Variants in NR4A2 observed in about 807,000 individuals in gnomAD.
NR4A2 encodes the protein nuclear receptor subfamily 4 group A member 2.
In NR4A2, 1 loss-of-function variant was observed where a neutral mutation model predicts 50.5. That is an observed-to-expected ratio of 0.02 (90% confidence interval 0.01 to 0.09). NR4A2 has a LOEUF of 0.09. NR4A2 is among the 10% of genes least tolerant of loss of function. NR4A2 has a pLI of 1.00. For missense variants in NR4A2, 613 were observed against 777.3 expected, an observed-to-expected ratio of 0.79 and a Z score of 2.51; for synonymous variants, 328 against 309.4, an observed-to-expected ratio of 1.06 and a Z score of -0.63.
rs964583596 is a variant in NR4A2 at position 156,330,686 on chromosome 2, C to A, written c.-21G>T. 1.6e-6 allele frequency: 2 copies of A among 1,266,456 alleles called. No homozygotes were observed. Among genetic ancestry groups the A allele is most frequent in the Non-Finnish European group, 9.9e-7 (1 of 1,006,466 alleles). The allele number at this position is 1,266,456 out of a possible 1,614,324, so 78.5% of individuals were successfully genotyped here. A position where few individuals can be genotyped will look rare whatever the true frequency, so the allele number is the denominator to read the frequency against. ...CACTAACCTTCAGCCGAGTTACAGGCGTTTTCGAGGAAATTAAAGGTGGAC... is the reference window on the plus strand; with the variant it reads ...CACTAACCTTCAGCCGAGTTACAGGAGTTTTCGAGGAAATTAAAGGTGGAC... On this transcript the variant is annotated 5_prime_UTR_variant, in exon 2 of 8. Coordinates refer to ENST00000339562, the MANE Select transcript of NR4A2 (RefSeq NM_006186.4).
Position 156,332,574 on chromosome 2 carries a change from GA to G in NR4A2, c.-222del. 2.6e-6 allele frequency: 3 copies of G among 1,161,594 alleles called. No homozygotes were observed. The East Asian group carries it at 1.7e-4, about 67-fold the overall frequency. The allele number at this position is 1,161,594 out of a possible 1,614,324, so 72.0% of individuals were successfully genotyped here. A position where few individuals can be genotyped will look rare whatever the true frequency, so the allele number is the denominator to read the frequency against. ...GCGCCGGGGTCGGGTAGGGGTGGGAGAGCTGGGCGAAGGGAACCCGGACACC... is the reference window on the plus strand; with the variant it reads ...GCGCCGGGGTCGGGTAGGGGTGGGAGGCTGGGCGAAGGGAACCCGGACACC... On this transcript the variant is annotated 5_prime_UTR_variant, in exon 1 of 8. Transcript: ENST00000339562.
rs1221568090 is a variant in NR4A2 at position 156,325,068 on chromosome 2, C to T, written c.*676G>A. 2 of 152,944 alleles carry T rather than the reference C, an allele frequency of 1.3e-5. No individual in the cohort carries two copies. Among genetic ancestry groups the T allele is most frequent in the African/African-American group, 2.4e-5 (1 of 41,410 alleles). 9.5% of individuals were successfully genotyped at this position (152,944 alleles called of 1,614,324 possible). ...TTCAACCTAGAATCAACATGCTTGT[C>T]CCTTTTTTATGTATTTATTTTCTTT... On this transcript the variant is annotated 3_prime_UTR_variant, in exon 8 of 8. Coordinates refer to ENST00000339562, the MANE Select transcript of NR4A2 (RefSeq NM_006186.4).
chr2:156,329,813 G>C lies in NR4A2; in HGVS notation c.374C>G (p.Ser125Cys), dbSNP rs1686839085. ...CGGGGTGGTGGGCGTCGGGGGCGAG[G>C]AGGGCTTGTAGTAAACCGACCCGGA... Reference protein sequence around the residue: ...PHSGSVYYKPSSPPTPTTPGF... With the variant: ...PHSGSVYYKPCSPPTPTTPGF... Residue 125 changes from serine to cysteine, a missense_variant, in exon 3 of 8, where the codon TCC becomes TGC. Coordinates refer to ENST00000339562, the MANE Select transcript of NR4A2 (RefSeq NM_006186.4). This position sits in a 1 kb window ranked among gnomAD's most constrained non-coding sequence, Gnocchi z 7.5. 3 of 1,613,844 alleles carry C rather than the reference G, an allele frequency of 1.9e-6. No homozygotes were observed. Among genetic ancestry groups the C allele is most frequent in the Non-Finnish European group, 2.5e-6 (3 of 1,179,736 alleles).
At position 156,327,927 on chromosome 2, in the gene NR4A2, G is replaced by A. The variant is rs1384153033; in HGVS notation, c.1082C>T (p.Pro361Leu). 1.9e-6 allele frequency: 3 copies of A among 1,595,142 alleles called. No homozygotes were observed. Among genetic ancestry groups the A allele is most frequent in the Non-Finnish European group, 8.5e-7 (1 of 1,169,846 alleles). Residue 361 changes from proline to leucine, a missense_variant, in exon 5 of 8, where the codon CCG becomes CTG. Around this residue, in one of 4 missense-constraint regions of NR4A2, gnomAD observed 250 missense variants for 311.3 expected, o/e 0.80. Transcript: ENST00000339562. ...GACGAGGGCACTGATCAGACTCACC[G>A]GGGGCGAAGGGGGAGAGGGCTCCTG... The part of the protein sequence containing the change: ...SPQEPSPPSP[P>L]VSLISALVRA...
At position 156,328,331 on chromosome 2, in the gene NR4A2, A is replaced by G. The variant is rs1234162631; in HGVS notation, c.994+73T>C. The stretch of plus-strand genomic sequence containing the variant: ...GAGATCCCCAGCACCGGGAAGTGGA[A>G]CGTGATGCTGGAGTATGAGCAGTGG... On this transcript the variant is annotated intron_variant, in intron 4 of 7. Coordinates refer to ENST00000339562, the MANE Select transcript of NR4A2 (RefSeq NM_006186.4). The surrounding 1 kb of genome is among the most constrained non-coding windows in gnomAD (Gnocchi z 4.9). 1 of 1,607,622 alleles carries G rather than the reference A, an allele frequency of 6.2e-7. No homozygotes were observed. Among genetic ancestry groups the G allele is most frequent in the African/African-American group, 1.3e-5 (1 of 74,798 alleles).
chr2:156,332,236 C>T (rs1686964295), intron 1 of NR4A2, among the ~76,000 whole-genome samples: 1 of 152,156 alleles, frequency 6.6e-6, no homozygotes, highest in Non-Finnish European at 1.5e-5. Flanking sequence ...CCTTCCACGT[C>T]CACCAATGAG....
In NR4A2 at chr2:156,328,969, G is replaced by A. The variant is rs948147927; in HGVS notation, c.864+354C>T. Among the ~76,000 whole-genome samples the A allele has an allele frequency of 1.3e-5, 2 of 152,206 alleles. No individual in the cohort carries two copies. The highest frequency in any genetic ancestry group is 6.5e-5 in the Admixed American group (1 of 15,274). On this transcript the variant is annotated intron_variant, in intron 3 of 7. Transcript: ENST00000339562. This position sits in a 1 kb window ranked among gnomAD's most constrained non-coding sequence, Gnocchi z 4.9. ...TGTTCCACTTGGTTAGCTCAGACAC[G>A]GTTCTCTGTCCTAACCAATTTCATT...
chr2:156,330,677 A>C lies in NR4A2; in HGVS notation c.-12T>G. ...ATGAAGTTGCACTAACCTTCAGCCG[A>C]GTTACAGGCGTTTTCGAGGAAATTA... On this transcript the variant is annotated 5_prime_UTR_variant, in exon 2 of 8. Transcript: ENST00000339562. The C allele has an allele frequency of 7.9e-7, 1 of 1,273,664 alleles. No homozygotes were observed. 78.9% of individuals were successfully genotyped at this position (1,273,664 alleles called of 1,614,324 possible). A position where few individuals can be genotyped will look rare whatever the true frequency, so the allele number is the denominator to read the frequency against.
intron 1 of NR4A2, 69 bp downstream of exon 1, chr2:156,332,411 A>G: frequency 3.3e-6 from 4 of 1,219,520 alleles, no homozygotes; most frequent in Non-Finnish European, 4.3e-6. Flanking sequence ...ACACAAGTGG[A>G]AAGAAGAGAC....
At position 156,326,772 on chromosome 2, in the gene NR4A2, T is replaced by C; in HGVS notation, c.1307A>G (p.Asp436Gly). 3 of 1,614,132 alleles carry C rather than the reference T, an allele frequency of 1.9e-6. No homozygotes were observed. The highest frequency in any genetic ancestry group is 2.5e-6 in the Non-Finnish European group (3 of 1,180,020). Residue 436 changes from aspartate (D) to glycine (G), a missense_variant, in exon 6 of 8, where the codon GAC becomes GGC. By Grantham distance (94) the Asp-to-Gly change is moderately conservative (BLOSUM62 -1). Coordinates refer to ENST00000339562, the MANE Select transcript of NR4A2 (RefSeq NM_006186.4). This position sits in a 1 kb window ranked among gnomAD's most constrained non-coding sequence, Gnocchi z 4.2. ...TAAGAAAGCTGATTCAAAAAGCAGG[T>C]CTTGGTCGGCTTTGGGCAGGTCTGC... is the stretch of plus-strand genomic sequence containing the variant. Reference protein sequence around the residue: ...GFADLPKADQDLLFESAFLEL... With the variant: ...GFADLPKADQGLLFESAFLEL...
At position 156,329,436 on chromosome 2, in the gene NR4A2, G is replaced by C. The variant is rs776611961; in HGVS notation, c.751C>G (p.Pro251Ala). Residue 251 changes from proline to alanine, a missense_variant, in exon 3 of 8, where the codon CCG becomes GCG. Physicochemically the swap from Pro to Ala is conservative, Grantham distance 27. This residue lies in a region of NR4A2 where 275 missense variants were observed against 248.9 expected (regional missense o/e 1.10). Coordinates refer to ENST00000339562, the MANE Select transcript of NR4A2 (RefSeq NM_006186.4). This position sits in a 1 kb window ranked among gnomAD's most constrained non-coding sequence, Gnocchi z 7.5. ...TTGGAGGGGGAGCCCCGCGACGGCG[G>C]TGAGGGCACCTGCGTGTCGAGCAGC... ...SQLLDTQVPS[P>A]PSRGSPSNEG... The C allele has an allele frequency of 6.2e-7, 1 of 1,609,072 alleles. No individual in the cohort carries two copies. The highest frequency in any genetic ancestry group is 1.1e-5 in the South Asian group (1 of 90,942).
chr2:156,326,687 C>T lies in NR4A2; in HGVS notation c.1361+31G>A. The T allele has an allele frequency of 6.5e-7, 1 of 1,530,844 alleles. No individual in the cohort carries two copies. The highest frequency in any genetic ancestry group is 8.7e-7 in the Non-Finnish European group (1 of 1,142,860). 94.8% of individuals were successfully genotyped at this position (1,530,844 alleles called of 1,614,324 possible). On this transcript the variant is annotated intron_variant, in intron 6 of 7. Transcript: ENST00000339562. This position sits in a 1 kb window ranked among gnomAD's most constrained non-coding sequence, Gnocchi z 4.2. ...CCTTTCTTGATTTCTCTCACAGCCT[C>T]CCTGGATTGTCTCCCTCCCTCCCTT...
rs1284561866 is a variant in NR4A2 at position 156,332,482 on chromosome 2, A to G, written c.-129T>C. On this transcript the variant is annotated splice_region_variant and 5_prime_UTR_variant, in exon 1 of 8. The change abolishes the stop of an existing upstream ORF in the 5' untranslated region. Coordinates refer to ENST00000339562, the MANE Select transcript of NR4A2 (RefSeq NM_006186.4). The stretch of plus-strand genomic sequence containing the variant: ...CTGCATGGGCTGCATCTACTCACTT[A>G]GGAGTTCTCCGCGTCTGTCTTCATT... 1 of 1,289,170 alleles carries G rather than the reference A, an allele frequency of 7.8e-7. No individual in the cohort carries two copies. Among genetic ancestry groups the G allele is most frequent in the Admixed American group, 2.3e-5 (1 of 43,570 alleles). The allele number at this position is 1,289,170 out of a possible 1,614,324, so 79.9% of individuals were successfully genotyped here.
Position 156,328,341 on chromosome 2 carries a change from G to T in NR4A2, c.994+63C>A. On this transcript the variant is annotated intron_variant, in intron 4 of 7. Transcript: ENST00000339562. The surrounding 1 kb of genome is among the most constrained non-coding windows in gnomAD (Gnocchi z 4.9). ...GCACCGGGAAGTGGAACGTGATGCT[G>T]GAGTATGAGCAGTGGTTTCCTAAAG... 1 of 1,611,854 alleles carries T rather than the reference G, an allele frequency of 6.2e-7. No individual in the cohort carries two copies. Among genetic ancestry groups the T allele is most frequent in the Non-Finnish European group, 8.5e-7 (1 of 1,178,318 alleles).
Position 156,326,596 on chromosome 2 carries a change from A to T in NR4A2, c.1361+122T>A. ...TTCTTTCTTTTTCTTCCTTTCTCCG[A>T]CTTCCATTTCCTATTCTGTCTTTTT... On this transcript the variant is annotated intron_variant, in intron 6 of 7. Transcript: ENST00000339562. This position sits in a 1 kb window ranked among gnomAD's most constrained non-coding sequence, Gnocchi z 4.2. 1 of 1,150,164 alleles carries T rather than the reference A, an allele frequency of 8.7e-7. No individual in the cohort carries two copies. Among genetic ancestry groups the T allele is most frequent in the Non-Finnish European group, 1.3e-6 (1 of 788,552 alleles). The allele number at this position is 1,150,164 out of a possible 1,614,324, so 71.2% of individuals were successfully genotyped here.
In NR4A2 at chr2:156,332,421, C is replaced by T. The variant is rs1686974322; in HGVS notation, c.-127+59G>A. On this transcript the variant is annotated intron_variant, in intron 1 of 7. Transcript: ENST00000339562. Reference sequence around the variant, plus strand: ...GTCCCACACAAGTGGAAAGAAGAGACGTGCAAAAGAAGGAAAAAGCATAAA... The same window carrying T: ...GTCCCACACAAGTGGAAAGAAGAGATGTGCAAAAGAAGGAAAAAGCATAAA... 2.4e-6 allele frequency: 3 copies of T among 1,242,100 alleles called. No homozygotes were observed. In the South Asian group the frequency reaches 3.7e-5, roughly 16 times the overall value. 76.9% of individuals were successfully genotyped at this position (1,242,100 alleles called of 1,614,324 possible). A position where few individuals can be genotyped will look rare whatever the true frequency, so the allele number is the denominator to read the frequency against.
rs758431522 is a variant in NR4A2 at position 156,330,112 on chromosome 2, G to A, written c.75C>T (p.His25=). 6.2e-6 allele frequency: 10 copies of A among 1,614,178 alleles called. No individual in the cohort carries two copies. The South Asian group carries it at 8.8e-5, about 14-fold the overall frequency. Residue 25 remains histidine (H), a synonymous_variant, in exon 3 of 8, where the codon CAC becomes CAT. Transcript: ENST00000339562. ...AATCGGAGCTGTATTCTCCCGAAGAGTGGTAACTGTAGCTCTGAGAAGCGG... is the reference window on the plus strand; with the variant it reads ...AATCGGAGCTGTATTCTCCCGAAGAATGGTAACTGTAGCTCTGAGAAGCGG... The part of the protein sequence containing the change: ...ASPASQSYSY[H]SSGEYSSDFL...
In NR4A2 at chr2:156,329,876, C is replaced by T. The variant is rs368458999; in HGVS notation, c.311G>A (p.Ser104Asn). The T allele has an allele frequency of 4.3e-6, 7 of 1,614,124 alleles. No individual in the cohort carries two copies. Among genetic ancestry groups the T allele is most frequent in the Middle Eastern group, 1.6e-4 (1 of 6,062 alleles). ...CTCCTCAGACTGGGGGGGCAGGTGG[C>T]TGTGTTGCTGGTAGTTGTGCATCTG... ...DIQMHNYQQH[S>N]HLPPQSEEMM... is the part of the protein sequence containing the mutation. The change falls in exon 3 of 8, where the codon AGC becomes AAC. Residue 104 changes from serine to asparagine, a missense_variant. This residue lies in a region of NR4A2 where 275 missense variants were observed against 248.9 expected (regional missense o/e 1.10). Transcript: ENST00000339562. The surrounding 1 kb of genome is among the most constrained non-coding windows in gnomAD (Gnocchi z 7.5).
rs553251304 is a variant in NR4A2, at chr2:156,326,977, A to G, written c.1159-57T>C. The G allele has an allele frequency of 3.8e-5, 59 of 1,550,732 alleles. 1 individual carries two copies. The South Asian group carries it at 6.4e-4, about 17-fold the overall frequency. On this transcript the variant is annotated intron_variant, in intron 5 of 7. Transcript: ENST00000339562. This position sits in a 1 kb window ranked among gnomAD's most constrained non-coding sequence, Gnocchi z 4.2. ...GGTTCTCTAAAATATATAACCCGTG[A>G]AATTGCTAACCCCGTTTCTAATAGG...
Sources: gnomAD v4.1 joint callset for allele counts (sites outside exome capture counted in the v4.1 genomes callset) on GRCh38, gnomAD v4.1.1 for gene constraint, gnomAD v4.1.1 regional missense constraint, Gnocchi (gnomAD v3.1) non-coding constraint, MANE v1.5 for transcripts, NCBI Gene and HGNC (gene_info 2026-07-23, HGNC 2026-07-21) for gene names.